The following PHF20L1 variants were observed in gnomAD, a reference collection of about 807,000 sequenced individuals.
PHF20L1 encodes the protein PHD finger protein 20 like 1.
A neutral mutation model predicts 125.5 loss-of-function variants in PHF20L1; 44 were observed. The ratio of observed to expected loss-of-function variants is 0.35; its 90% CI spans 0.28 to 0.45. The LOEUF is 0.45. Ranked by LOEUF, PHF20L1 falls within the 20% of genes least tolerant of loss-of-function variation. The pLI is 1.00. For synonymous variants in PHF20L1, 380 were observed against 403.1 expected (o/e 0.94, Z 0.69); for missense variants, 1,012 against 1,217.2 (o/e 0.83, Z 2.51).
intron 19 of PHF20L1, chr8:132,843,863 T>C: frequency 1.0e-6 from 1 of 985,308 alleles, no homozygotes. Context: ...TAATCAGGAA[T>C]TCTAATTACA....
At chr8:132,798,957 T>A in intron 5 of PHF20L1, 97 bp downstream of exon 5, 1 of 1,060,282 alleles carries the variant, frequency 9.4e-7, no homozygotes, top group Non-Finnish European at 1.4e-6. Flanking sequence ...AAAAATGAAC[T>A]AATTGTAGGG....
intron 6 of PHF20L1, chr8:132,799,783 A>G (rs1832831100): frequency 6.6e-6 from 1 of 151,902 alleles, no homozygotes; most frequent in South Asian, 2.1e-4. Flanking sequence ...TCATGAAGAA[A>G]TAAGTGTGAT....
chr8:132,845,570 A>G (rs1321798659), intron 20 of PHF20L1, among the ~76,000 whole-genome samples: 1 of 152,066 alleles, frequency 6.6e-6, no homozygotes, highest in Non-Finnish European at 1.5e-5. Flanking sequence ...ATTATCTTAA[A>G]TGACAGATAA....
At chr8:132,836,808 C>A (rs1837405270) in intron 16 of PHF20L1, 87 bp downstream of exon 16, 2 of 917,916 alleles carry the variant, frequency 2.2e-6, no homozygotes, top group East Asian at 4.9e-5. Context: ...TCTTTACTGA[C>A]TGTACTACTG....
At chr8:132,795,138 C>T (rs1832234496) in intron 4 of PHF20L1, among the ~76,000 whole-genome samples, 1 of 152,054 alleles carries the variant, frequency 6.6e-6, no homozygotes, top group Admixed American at 6.6e-5. Context: ...TATTTATGAA[C>T]ATCTACCCAA....
chr8:132,808,406 G>A (rs1231189858), intron 8 of PHF20L1: 1 of 151,820 alleles, frequency 6.6e-6, no homozygotes, highest in Non-Finnish European at 1.5e-5. Flanking sequence ...CTTATTTTCA[G>A]CTTTTTAGTT....
At chr8:132,802,014 G>A (rs1354559213) in intron 6 of PHF20L1, among the ~76,000 whole-genome samples, 3 of 151,566 alleles carry the variant, frequency 2.0e-5, no homozygotes, top group South Asian at 4.1e-4. Flanking sequence ...TGGAACCCAG[G>A]ATTAAATGCT....
chr8:132,812,758 A>G, intron 9 of PHF20L1: 1 of 984,396 alleles, frequency 1.0e-6, no homozygotes, highest in Non-Finnish European at 1.2e-6. Context: ...TGGTATCAGC[A>G]ATAGACCTAA....
At chr8:132,784,370 T>C (rs1373188118) in intron 2 of PHF20L1, among the ~76,000 whole-genome samples, 1 of 152,214 alleles carries the variant, frequency 6.6e-6, no homozygotes, top group African/African-American at 2.4e-5. Context: ...ATGAACTATG[T>C]GATTTTGGAG....
rs1406740686 is a variant in PHF20L1, at chr8:132,847,945, A to G, written c.*2022A>G. The stretch of plus-strand genomic sequence containing the variant: ...TTTGCATTTTAAAATAGTGGCTCTA[A>G]TATTTTCCCTGTCATGGCTACATTC... On this transcript the variant is annotated 3_prime_UTR_variant, in exon 21 of 21. Transcript: ENST00000395386. 6.6e-6 allele frequency: 1 copy of G among 152,106 alleles called. No individual in the cohort carries two copies. The highest frequency in any genetic ancestry group is 1.5e-5 in the Non-Finnish European group (1 of 67,972). The allele number at this position is 152,106 out of a possible 1,614,324, so 9.4% of individuals were successfully genotyped here. A position where few individuals can be genotyped will look rare whatever the true frequency, so the allele number is the denominator to read the frequency against.
At chr8:132,781,199 T>G (rs1442028420) in intron 2 of PHF20L1, among the ~76,000 whole-genome samples, 1 of 152,026 alleles carries the variant, frequency 6.6e-6, no homozygotes, top group Non-Finnish European at 1.5e-5. Flanking sequence ...ACTCTAAATT[T>G]AGTAGGTGGA....
At chr8:132,838,850 T>G (rs948869536) in intron 17 of PHF20L1, among the ~76,000 whole-genome samples, 2 of 152,158 alleles carry the variant, frequency 1.3e-5, no homozygotes, top group African/African-American at 4.8e-5. Context: ...ATTTAAACCA[T>G]GCCTTCAACT....
At chr8:132,778,808 G>A (rs886069793) in intron 2 of PHF20L1, among the ~76,000 whole-genome samples, 1 of 152,132 alleles carries the variant, frequency 6.6e-6, no homozygotes, top group Non-Finnish European at 1.5e-5. Flanking sequence ...GAGGGGTTCC[G>A]CTTCTGGGAG....
intron 2 of PHF20L1, among the ~76,000 whole-genome samples, chr8:132,778,535 G>A (rs1366384115): frequency 6.6e-6 from 1 of 152,148 alleles, no homozygotes; most frequent in East Asian, 1.9e-4. Context: ...GGCCATTGTG[G>A]TAAGTGGTAA....
intron 12 of PHF20L1, among the ~76,000 whole-genome samples, chr8:132,822,081 A>T (rs751461760): frequency 6.6e-6 from 1 of 151,916 alleles, no homozygotes; most frequent in African/African-American, 2.4e-5. Context: ...TAATATCCTT[A>T]CTTGAGTAAA....
chr8:132,837,111 C>T (rs556508485), intron 16 of PHF20L1, among the ~76,000 whole-genome samples: 185 of 152,152 alleles, frequency 1.2e-3, no homozygotes, highest in Middle Eastern at 6.9e-3. Context: ...TAAAAATGTC[C>T]AGTATTCTTA....
intron 12 of PHF20L1, among the ~76,000 whole-genome samples, chr8:132,821,241 C>G (rs1023831973): frequency 6.6e-6 from 1 of 151,922 alleles, no homozygotes. Context: ...TACATAGATA[C>G]TATGATACTA....
intron 3 of PHF20L1, 43 bp downstream of exon 3, chr8:132,794,624 G>A: frequency 6.6e-7 from 1 of 1,526,540 alleles, no homozygotes; most frequent in Non-Finnish European, 9.0e-7. Context: ...TGCCAGCTAT[G>A]TAATGACATA....
At chr8:132,788,192 A>G (rs903559243) in intron 2 of PHF20L1, among the ~76,000 whole-genome samples, 3 of 152,096 alleles carry the variant, frequency 2.0e-5, no homozygotes, top group East Asian at 3.9e-4. Context: ...TCTTTATTAT[A>G]CTAGCTATCA....
Sources: gnomAD v4.1 joint callset for allele counts (sites outside exome capture counted in the v4.1 genomes callset) on GRCh38, gnomAD v4.1.1 for gene constraint, MANE v1.5 for transcripts, NCBI Gene and HGNC (gene_info 2026-07-23, HGNC 2026-07-21) for gene names.